The following HYAL1 variants were observed in gnomAD, a reference collection of about 807,000 sequenced individuals.
HYAL1 encodes hyaluronidase-1.
HYAL1 carries 21 observed loss-of-function variants against 28.8 expected under a neutral mutation model. That is an observed-to-expected ratio of 0.73 (90% CI 0.52 to 1.05). The LOEUF (loss-of-function observed/expected upper bound fraction) is 1.05. HYAL1 is among the 50% of genes least tolerant of loss of function. HYAL1 has a pLI of 0.00. For synonymous variants in HYAL1, 200 were observed against 230.1 expected, an observed-to-expected ratio of 0.87 and a Z score of 1.18; for missense variants, 491 against 579.2, an observed-to-expected ratio of 0.85 and a Z score of 1.56.
At chr3:50,308,734 CTTTTT>C (rs587625905) in intron 2 of HYAL1, among the ~76,000 whole-genome samples, 1 of 117,308 alleles carries the variant, frequency 8.5e-6, no homozygotes, top group Non-Finnish European at 1.7e-5. Context: ...CGTGCCTGGC[CTTTTT>C]TTTTTTTTTT....
At chr3:50,304,898 C>G (rs764983162), upstream of HYAL1, among the ~76,000 whole-genome samples, 5 of 152,164 alleles carry the variant, frequency 3.3e-5, no homozygotes, top group Non-Finnish European at 5.9e-5. Context: ...AGCATGAGAT[C>G]CTGTGTTTGT....
Position 50,302,111 on chromosome 3 carries a change from C to T in HYAL1, c.846G>A (p.Pro282=), listed in dbSNP as rs782094366. ...VAVAAGDPNL[P]VLPYVQIFYD... is the part of the protein sequence containing the mutation. ...AGAAGATCTGGACATAGGGCAGCAC[C>T]GGCAGATTGGGGTCACCAGCAGCCA... The change falls in exon 2 of 4, where the codon CCG becomes CCA. Residue 282 remains proline, a synonymous_variant. Transcript: ENST00000395144. The surrounding 1 kb of genome is among the most constrained non-coding windows in gnomAD (Gnocchi z 5.0). The T allele has an allele frequency of 9.4e-5, 151 of 1,614,058 alleles. No homozygotes were observed. The highest frequency in any genetic ancestry group is 1.2e-4 in the Non-Finnish European group (142 of 1,180,030).
chr3:50,302,427 C>T lies in HYAL1; in HGVS notation c.530G>A (p.Gly177Glu), dbSNP rs149384463. The change falls in exon 2 of 4, where the codon GGA becomes GAA. Residue 177 changes from glycine (G) to glutamate (E), a missense_variant. Transcript: ENST00000395144. The surrounding 1 kb of genome is among the most constrained non-coding windows in gnomAD (Gnocchi z 5.0). ...GCCTGCCATCCAGGCCCGTGCAGCT[C>T]CCTGGAACTGGTCCTGGGCTACTGC... ...VEAVAQDQFQ[G>E]AARAWMAGTL... The T allele has an allele frequency of 2.5e-6, 4 of 1,613,910 alleles. No individual in the cohort carries two copies. Among genetic ancestry groups the T allele is most frequent in the Non-Finnish European group, 3.4e-6 (4 of 1,179,926 alleles).
At chr3:50,304,296 A>AAAAAAAAAT (rs1553713686), upstream of HYAL1, among the ~76,000 whole-genome samples, 10 of 30,476 alleles carry the variant, frequency 3.3e-4, no homozygotes, top group South Asian at 2.2e-3. Context: ...AAAAAAAAAA[A>AAAAAAAAAT]ATATATATAT....
At chr3:50,310,422 C>T (rs1317208912) in intron 1 of HYAL1, among the ~76,000 whole-genome samples, 1 of 149,834 alleles carries the variant, frequency 6.7e-6, no homozygotes, top group Non-Finnish European at 1.5e-5. Context: ...CACCACCACG[C>T]CCGGCTATTT....
rs587716522 is a variant in HYAL1 at position 50,311,179 on chromosome 3, G to A, written c.-310+1085C>T. 9.9e-5 allele frequency among the ~76,000 whole-genome samples: 15 copies of A among 151,246 alleles called. No individual in the cohort carries two copies. In the South Asian group the frequency reaches 2.5e-3, roughly 25 times the overall value. Reference sequence around the variant, plus strand: ...TCCTCACTTCCCAGTAGGGGCAGCCGGGCAGAGGCGCCCCTCACCTCCCGG... The same window carrying A: ...TCCTCACTTCCCAGTAGGGGCAGCCAGGCAGAGGCGCCCCTCACCTCCCGG... On this transcript the variant is annotated intron_variant, in intron 1 of 5. Coordinates refer to the HYAL1 transcript ENST00000320295.
upstream of HYAL1, among the ~76,000 whole-genome samples, chr3:50,307,554 G>A (rs140843162): frequency 0.053 from 7,582 of 143,932 alleles, 1,452 homozygotes; most frequent in East Asian, 0.61. Flanking sequence ...GGTGGTGGGC[G>A]CCTGTAGTCC....
In HYAL1 at chr3:50,302,374, G is replaced by T; in HGVS notation, c.583C>A (p.Pro195Thr). The T allele has an allele frequency of 6.2e-7, 1 of 1,613,848 alleles. No homozygotes were observed. The highest frequency in any genetic ancestry group is 8.5e-7 in the Non-Finnish European group (1 of 1,179,988). The change falls in exon 2 of 4, where the codon CCT (proline) becomes ACT (threonine). Residue 195 changes from proline to threonine, a missense_variant. By Grantham distance (38) the Pro-to-Thr change is conservative (BLOSUM62 -1). Transcript: ENST00000395144. The surrounding 1 kb of genome is among the most constrained non-coding windows in gnomAD (Gnocchi z 5.0). Reference sequence around the variant, plus strand: ...CCATAGAAGCCCCAGAGGCCGCGAGGACGCAGTGCCCGCCCCAGCTGGAGG... The same window carrying T: ...CCATAGAAGCCCCAGAGGCCGCGAGTACGCAGTGCCCGCCCCAGCTGGAGG... The part of the protein sequence containing the change: ...GTLQLGRALR[P>T]RGLWGFYGFP...
At chr3:50,303,159 A>G in intron 1 of HYAL1, 179 bp from the exon 2 acceptor site, 1 of 548,532 alleles carries the variant, frequency 1.8e-6, no homozygotes, top group Non-Finnish European at 3.2e-6. Context: ...TGGCCACTGG[A>G]GGGCACATCC....
chr3:50,302,854 C>A lies in HYAL1; in HGVS notation c.103G>T (p.Val35Phe), dbSNP rs142667148. 6.2e-7 allele frequency: 1 copy of A among 1,613,914 alleles called. No homozygotes were observed. Among genetic ancestry groups the A allele is most frequent in the Admixed American group, 1.7e-5 (1 of 60,026 alleles). ...CACCACTGGGTGTTTGCATTCCAGACGGTGGTGAAGGGCCGGTTGGGTAGC... is the reference window on the plus strand; with the variant it reads ...CACCACTGGGTGTTTGCATTCCAGAAGGTGGTGAAGGGCCGGTTGGGTAGC... ...PLLPNRPFTT[V>F]WNANTQWCLE... Residue 35 changes from valine (V) to phenylalanine (F), a missense_variant, in exon 2 of 4, where the codon GTC (valine) becomes TTC (phenylalanine). Transcript: ENST00000395144. This position sits in a 1 kb window ranked among gnomAD's most constrained non-coding sequence, Gnocchi z 5.0.
At chr3:50,311,014 A>G (rs1189874985) in intron 1 of HYAL1, among the ~76,000 whole-genome samples, 7 of 152,202 alleles carry the variant, frequency 4.6e-5, no homozygotes, top group African/African-American at 1.4e-4. Context: ...CTACACAGAC[A>G]TGGCAACCAT....
chr3:50,308,701 C>T (rs1575522647), intron 2 of HYAL1, among the ~76,000 whole-genome samples: 1 of 145,532 alleles, frequency 6.9e-6, no homozygotes, highest in Non-Finnish European at 1.5e-5. Context: ...TCCCAAAGTG[C>T]TGGGATTACA....
Position 50,300,558 on chromosome 3 carries a change from C to G in HYAL1, c.1233G>C (p.Gln411His). The G allele has an allele frequency of 6.2e-7, 1 of 1,614,276 alleles. No homozygotes were observed. Among genetic ancestry groups the G allele is most frequent in the Non-Finnish European group, 8.5e-7 (1 of 1,180,054 alleles). Reference protein sequence around the residue: ...RGALSLEDQAQMAVEFKCRCY... With the variant: ...RGALSLEDQAHMAVEFKCRCY... The stretch of plus-strand genomic sequence containing the variant: ...ATCGACATTTGAACTCCACAGCCAT[C>G]TGTGCCTGATCTTCAAGTGAGAGGG... The change falls in exon 4 of 4, where the codon CAG (glutamine) becomes CAC (histidine). Residue 411 changes from glutamine (Q) to histidine (H), a missense_variant. Transcript: ENST00000395144.
Position 50,302,132 on chromosome 3 carries a change from AG to A in HYAL1, c.824del (p.Ala275ValfsTer48). On this transcript the variant is annotated frameshift_variant, in exon 2 of 4. Coordinates refer to ENST00000395144, the MANE Select transcript of HYAL1 (RefSeq NM_033159.4). LOFTEE classifies it high-confidence loss of function. The surrounding 1 kb of genome is among the most constrained non-coding windows in gnomAD (Gnocchi z 5.0). The part of the protein sequence containing the change: ...RVAEAFRVAV[A>X]AGDPNLPVLP... ...GCACCGGCAGATTGGGGTCACCAGC[AG>A]CCACAGCCACACGGAATGCCTCGGC... 2 of 1,614,226 alleles carry A rather than the reference AG, an allele frequency of 1.2e-6. No homozygotes were observed. Among genetic ancestry groups the A allele is most frequent in the Non-Finnish European group, 1.7e-6 (2 of 1,180,034 alleles).
chr3:50,307,769 G>A (rs142745688), upstream of HYAL1, among the ~76,000 whole-genome samples: 794 of 147,498 alleles, frequency 5.4e-3, 32 homozygotes, highest in African/African-American at 0.019. Flanking sequence ...GTCATGAACA[G>A]TCAGTGTAAG....
upstream of HYAL1, among the ~76,000 whole-genome samples, chr3:50,304,852 C>T (rs1489248916): frequency 2.0e-5 from 3 of 152,162 alleles, no homozygotes; most frequent in Non-Finnish European, 4.4e-5. Context: ...AACCCAGTGC[C>T]TGGGACTGGG....
chr3:50,306,925 C>T (rs1553714067), upstream of HYAL1, among the ~76,000 whole-genome samples: 1 of 150,834 alleles, frequency 6.6e-6, no homozygotes, highest in Admixed American at 6.6e-5. Context: ...CAAAAATTAT[C>T]CAGGCATGGT....
intron 1 of HYAL1, among the ~76,000 whole-genome samples, chr3:50,310,887 G>C (rs1702432041): frequency 1.3e-5 from 2 of 151,638 alleles, no homozygotes; most frequent in African/African-American, 4.9e-5. Context: ...AGTGGACACA[G>C]CACATGTTTC....
intron 3 of HYAL1, 79 bp downstream of exon 3, chr3:50,300,909 G>C: frequency 6.6e-7 from 1 of 1,507,734 alleles, no homozygotes; most frequent in Non-Finnish European, 9.1e-7. Flanking sequence ...AGGTAGAAAG[G>C]GTAAGTCAGG....
Sources: gnomAD v4.1 joint callset for allele counts (sites outside exome capture counted in the v4.1 genomes callset) on GRCh38, gnomAD v4.1.1 for gene constraint, Gnocchi (gnomAD v3.1) non-coding constraint, MANE v1.5 for transcripts, NCBI Gene and HGNC (gene_info 2026-07-23, HGNC 2026-07-21) for gene names.